The following ITPR1 variants were observed in gnomAD, a reference collection of about 807,000 sequenced individuals.
ITPR1 encodes the protein inositol 1,4,5-trisphosphate receptor type 1, also known as inositol 1,4,5-trisphosphate-gated calcium channel ITPR1.
Under a neutral mutation model 318.4 loss-of-function variants are expected in ITPR1, and 96 were observed. That is an observed-to-expected ratio of 0.30 (90% CI 0.26 to 0.36). ITPR1 has a LOEUF of 0.36. Among genes scored for constraint, ITPR1 ranks in the 10% least tolerant of loss-of-function variants. The pLI, the probability that ITPR1 is intolerant of heterozygous loss-of-function variation, is 1.00. For synonymous variants in ITPR1, 1,312 were observed against 1,289.9 expected (o/e 1.02, Z -0.37); for missense variants, 2,440 against 3,460.2 (o/e 0.71, Z 7.40).
chr3:4,723,165 C>CA (rs2042282581), intron 40 of ITPR1, among the ~76,000 whole-genome samples: 1 of 152,016 alleles, frequency 6.6e-6, no homozygotes, highest in African/African-American at 2.4e-5. Context: ...GACAGACACA[C>CA]AAAAAAAGAA....
At chr3:4,734,529 T>C (rs1257914919) in intron 43 of ITPR1, among the ~76,000 whole-genome samples, 1 of 152,262 alleles carries the variant, frequency 6.6e-6, no homozygotes, top group East Asian at 1.9e-4. Context: ...GTTTAGTTAT[T>C]GCCAATAGTA....
intron 4 of ITPR1, among the ~76,000 whole-genome samples, chr3:4,555,551 G>A (rs918513547): frequency 6.6e-6 from 1 of 152,004 alleles, no homozygotes; most frequent in Non-Finnish European, 1.5e-5. Flanking sequence ...GTATATCCAG[G>A]CAATGGAATA....
chr3:4,539,549 G>A (rs541485436), intron 4 of ITPR1, among the ~76,000 whole-genome samples: 12 of 152,112 alleles, frequency 7.9e-5, no homozygotes, highest in Non-Finnish European at 1.6e-4. Context: ...ATGAATTTGT[G>A]TATATGTTAA....
At chr3:4,617,675 A>G (rs2092438419) in intron 4 of ITPR1, among the ~76,000 whole-genome samples, 1 of 152,150 alleles carries the variant, frequency 6.6e-6, no homozygotes, top group South Asian at 2.1e-4. Flanking sequence ...TTGAGTACCA[A>G]AAGGTGGTTA....
intron 4 of ITPR1, among the ~76,000 whole-genome samples, chr3:4,543,373 G>A (rs2084656448): frequency 6.6e-6 from 1 of 152,176 alleles, no homozygotes; most frequent in Admixed American, 6.5e-5. Context: ...TGGGGACTTG[G>A]ATTACCTGTG....
intron 44 of ITPR1, among the ~76,000 whole-genome samples, chr3:4,747,076 G>A (rs2044161486): frequency 1.3e-5 from 2 of 152,196 alleles, no homozygotes; most frequent in African/African-American, 4.8e-5. Context: ...CCTTCTTTAG[G>A]TGTGGGAGGG....
intron 5 of ITPR1, among the ~76,000 whole-genome samples, chr3:4,632,431 T>A (rs1253802720): frequency 6.6e-6 from 1 of 152,170 alleles, no homozygotes; most frequent in African/African-American, 2.4e-5. Context: ...GTGGGTAGTG[T>A]TGCCAAGTGG....
At chr3:4,630,295 GT>G (rs1372218929) in intron 5 of ITPR1, among the ~76,000 whole-genome samples, 1 of 151,968 alleles carries the variant, frequency 6.6e-6, no homozygotes, top group Non-Finnish European at 1.5e-5. Context: ...CTGTGACGTG[GT>G]TTTCTAAAAG....
intron 42 of ITPR1, among the ~76,000 whole-genome samples, chr3:4,728,749 G>C (rs942900329): frequency 2.0e-5 from 3 of 152,136 alleles, no homozygotes; most frequent in Non-Finnish European, 4.4e-5. Flanking sequence ...CTGTCTTGGA[G>C]AATTGATGCC....
intron 35 of ITPR1, among the ~76,000 whole-genome samples, chr3:4,701,086 C>T (rs552141515): frequency 2.2e-4 from 33 of 152,268 alleles, no homozygotes; most frequent in African/African-American, 5.1e-4. Flanking sequence ...TTGCCTGTTG[C>T]GTTTGGATGG....
chr3:4,792,811 GGTT>G (rs1315023952), intron 52 of ITPR1, among the ~76,000 whole-genome samples: 1 of 152,208 alleles, frequency 6.6e-6, no homozygotes, highest in Non-Finnish European at 1.5e-5. Flanking sequence ...ATTAGTAACA[GGTT>G]GTTAAGTCCA....
rs560832565 is a variant in ITPR1, at chr3:4,822,160, T to C, written c.8028+3918T>C. Among the ~76,000 whole-genome samples, 6 of 152,208 alleles carry C rather than the reference T, an allele frequency of 3.9e-5. No homozygotes were observed. In the East Asian group the frequency reaches 1.2e-3, roughly 29 times the overall value. Reference sequence around the variant, plus strand: ...CGGTTCCTACCGCCTCACACATCCGTTGGGTGGTAGACATGAGCTAAATGA... The same window carrying C: ...CGGTTCCTACCGCCTCACACATCCGCTGGGTGGTAGACATGAGCTAAATGA... On this transcript the variant is annotated intron_variant, in intron 60 of 61. Transcript: ENST00000649015.
intron 5 of ITPR1, among the ~76,000 whole-genome samples, chr3:4,632,388 A>G (rs1273960093): frequency 6.6e-6 from 1 of 152,148 alleles, no homozygotes; most frequent in Admixed American, 6.5e-5. Flanking sequence ...CCTCTTGGCC[A>G]TACGGGAAAT....
chr3:4,665,603 A>G (rs1415145351), intron 17 of ITPR1, among the ~76,000 whole-genome samples: 4 of 152,146 alleles, frequency 2.6e-5, no homozygotes, highest in African/African-American at 7.2e-5. Context: ...AAATGATGCC[A>G]TGTGTTTATA....
chr3:4,516,694 A>G (rs1488370081), intron 3 of ITPR1, 111 bp downstream of exon 3: 2 of 734,894 alleles, frequency 2.7e-6, no homozygotes, highest in Non-Finnish European at 4.7e-6. Context: ...TTGGCTTTCT[A>G]AGTGCGGTTG....
chr3:4,654,385 T>C (rs1031495611), intron 12 of ITPR1, among the ~76,000 whole-genome samples: 1 of 152,196 alleles, frequency 6.6e-6, no homozygotes, highest in African/African-American at 2.4e-5. Flanking sequence ...TTCTGCAAGG[T>C]CAGAAATAGG....
intron 12 of ITPR1, among the ~76,000 whole-genome samples, chr3:4,656,072 A>G (rs986183657): frequency 1.3e-5 from 2 of 152,178 alleles, no homozygotes; most frequent in Non-Finnish European, 2.9e-5. Context: ...CAGCACCCTG[A>G]AGACACTTGC....
intron 38 of ITPR1, among the ~76,000 whole-genome samples, chr3:4,711,390 T>C (rs924402630): frequency 6.6e-6 from 1 of 152,108 alleles, no homozygotes; most frequent in Admixed American, 6.6e-5. Context: ...TGTTTTTGTT[T>C]TACAGTGTTG....
At chr3:4,568,075 T>C (rs1280313464) in intron 4 of ITPR1, among the ~76,000 whole-genome samples, 2 of 152,180 alleles carry the variant, frequency 1.3e-5, no homozygotes, top group African/African-American at 4.8e-5. Flanking sequence ...TGGGAGAGCC[T>C]GAAGGCGCAG....
Sources: gnomAD v4.1 joint callset for allele counts (sites outside exome capture counted in the v4.1 genomes callset) on GRCh38, gnomAD v4.1.1 for gene constraint, MANE v1.5 for transcripts, NCBI Gene and HGNC (gene_info 2026-07-23, HGNC 2026-07-21) for gene names.